The following C12orf42 variants were observed in gnomAD, a reference collection of about 807,000 sequenced individuals.
C12orf42 encodes uncharacterized protein C12orf42.
C12orf42 carries 25 observed loss-of-function variants against 21.6 expected under a neutral mutation model. That is an observed-to-expected ratio of 1.16 (90% CI 0.84 to 1.62). C12orf42 has a LOEUF of 1.62. Among genes scored for constraint, C12orf42 ranks in the 40% most tolerant of loss-of-function variants. The probability of loss-of-function intolerance (pLI) is 0.00; values close to 1 mark genes in which losing one functional copy is unlikely to be tolerated. For synonymous variants in C12orf42, 174 were observed against 175.0 expected, an observed-to-expected ratio of 0.99 and a Z score of 0.05; for missense variants, 483 against 459.3, an observed-to-expected ratio of 1.05 and a Z score of -0.47.
downstream of C12orf42, among the ~76,000 whole-genome samples, chr12:103,299,442 A>G (rs938000124): frequency 1.1e-4 from 17 of 152,178 alleles, no homozygotes; most frequent in Non-Finnish European, 1.8e-4. Context: ...TCTTCAGTGC[A>G]CCAAATTTTT....
chr12:103,145,489 A>C, the C12orf42 span, among the ~76,000 whole-genome samples: 1 of 152,200 alleles, frequency 6.6e-6, no homozygotes, highest in Non-Finnish European at 1.5e-5. Flanking sequence ...AGTGGTGGTG[A>C]GGGTTTAGCA....
the C12orf42 span, among the ~76,000 whole-genome samples, chr12:103,512,034 G>A: frequency 6.6e-6 from 1 of 152,198 alleles, no homozygotes; most frequent in Non-Finnish European, 1.5e-5. Context: ...ATTTGAGGTT[G>A]CTCCTTGGGA....
At chr12:103,238,237 T>C (rs1314830444) in intron 10 of C12orf42, among the ~76,000 whole-genome samples, 1 of 152,100 alleles carries the variant, frequency 6.6e-6, no homozygotes, top group Non-Finnish European at 1.5e-5. Flanking sequence ...CTTTTTTTTT[T>C]TTAACCTACT....
downstream of C12orf42, among the ~76,000 whole-genome samples, chr12:103,234,120 T>C (rs550447130): frequency 6.6e-6 from 1 of 152,320 alleles, no homozygotes; most frequent in South Asian, 2.1e-4. Flanking sequence ...TAATCGATTT[T>C]TGAATCCTGA....
At chr12:103,506,553 G>A in the C12orf42 span, among the ~76,000 whole-genome samples, 1 of 151,372 alleles carries the variant, frequency 6.6e-6, no homozygotes, top group Non-Finnish European at 1.5e-5. Flanking sequence ...ATTGCCTATA[G>A]TATTCAGTAT....
the C12orf42 span, among the ~76,000 whole-genome samples, chr12:103,176,248 A>G: frequency 1.3e-5 from 2 of 152,162 alleles, no homozygotes; most frequent in East Asian, 1.9e-4. Context: ...ATTCTCAAAC[A>G]TACATCGTAT....
At chr12:103,346,897 T>C (rs1171484553) in intron 4 of C12orf42, among the ~76,000 whole-genome samples, 1 of 152,190 alleles carries the variant, frequency 6.6e-6, no homozygotes, top group Non-Finnish European at 1.5e-5. Context: ...AATGCATTCT[T>C]GCTTAGCTGT....
At chr12:103,408,896 T>C (rs540571979) in intron 2 of C12orf42, among the ~76,000 whole-genome samples, 1 of 152,234 alleles carries the variant, frequency 6.6e-6, no homozygotes, top group African/African-American at 2.4e-5. Flanking sequence ...TTATATTTGA[T>C]GTATCCAAAC....
the C12orf42 span, among the ~76,000 whole-genome samples, chr12:103,197,131 A>C: frequency 2.0e-5 from 3 of 151,982 alleles, no homozygotes; most frequent in African/African-American, 7.3e-5. Flanking sequence ...TTCCCTTAGC[A>C]TTTGCTTGTC....
chr12:103,147,441 G>A, the C12orf42 span, among the ~76,000 whole-genome samples: 2 of 150,554 alleles, frequency 1.3e-5, no homozygotes, highest in African/African-American at 4.9e-5. Context: ...TTTCTATACA[G>A]AAATCCACGG....
downstream of C12orf42, among the ~76,000 whole-genome samples, chr12:103,298,553 G>A (rs1473408252): frequency 6.6e-6 from 1 of 152,118 alleles, no homozygotes; most frequent in Admixed American, 6.5e-5. Flanking sequence ...TAGATTCAAT[G>A]CCACCCCCAT....
intron 2 of C12orf42, among the ~76,000 whole-genome samples, chr12:103,413,835 G>A (rs2049061500): frequency 6.6e-6 from 1 of 152,108 alleles, no homozygotes; most frequent in South Asian, 2.1e-4. Flanking sequence ...TGGCTGAGTA[G>A]TATTCCATGG....
At chr12:103,230,441 T>C in the C12orf42 span, among the ~76,000 whole-genome samples, 1 of 152,220 alleles carries the variant, frequency 6.6e-6, no homozygotes, top group Non-Finnish European at 1.5e-5. Context: ...ATGGATGTGA[T>C]AGCCCTTCAT....
the C12orf42 span, among the ~76,000 whole-genome samples, chr12:103,092,883 T>C: frequency 6.6e-6 from 1 of 152,206 alleles, no homozygotes; most frequent in East Asian, 1.9e-4. Context: ...ACACTTAGCC[T>C]GACACCTGTG....
intron 4 of C12orf42, among the ~76,000 whole-genome samples, chr12:103,355,741 T>C (rs184517981): frequency 1.9e-4 from 29 of 152,138 alleles, no homozygotes; most frequent in Admixed American, 9.2e-4. Flanking sequence ...GAAAAACAGT[T>C]TTTGTCAATT....
chr12:103,252,527 CATGTTGCT>C (rs2034361024), intron 10 of C12orf42, among the ~76,000 whole-genome samples: 1 of 152,186 alleles, frequency 6.6e-6, no homozygotes, highest in Non-Finnish European at 1.5e-5. Flanking sequence ...TTTTGATTTG[CATGTTGCT>C]AATGACCAGT....
At chr12:103,501,937 A>G in the C12orf42 span, among the ~76,000 whole-genome samples, 17 of 152,218 alleles carry the variant, frequency 1.1e-4, no homozygotes, top group African/African-American at 3.1e-4. Context: ...ACTAGATTAT[A>G]TTGGAAAAAT....
intron 5 of C12orf42, among the ~76,000 whole-genome samples, chr12:103,270,817 A>C (rs912040436): frequency 1.4e-5 from 2 of 142,226 alleles, no homozygotes; most frequent in African/African-American, 5.1e-5. Context: ...TCTAGGTCTT[A>C]AAAAGTGAAA....
intron 2 of C12orf42, among the ~76,000 whole-genome samples, chr12:103,452,285 A>G (rs1448365219): frequency 1.3e-5 from 2 of 152,138 alleles, no homozygotes; most frequent in South Asian, 2.1e-4. Flanking sequence ...AGCATGAAAG[A>G]GCTCTGGAGG....
Sources: allele counts gnomAD v4.1 joint callset (sites outside exome capture counted in the v4.1 genomes callset), GRCh38; gene constraint gnomAD v4.1.1; transcripts MANE v1.5; gene names NCBI Gene and HGNC (gene_info 2026-07-23, HGNC 2026-07-21).